The following LRBA variants were observed in gnomAD, a reference collection of about 807,000 sequenced individuals.
LRBA encodes lipopolysaccharide-responsive and beige-like anchor protein.
In LRBA, 176 loss-of-function variants were observed where a neutral mutation model predicts 330.0. The observed-to-expected ratio is 0.53, with a 90% CI of 0.47 to 0.60. The LOEUF (loss-of-function observed/expected upper bound fraction) is 0.60. Among genes scored for constraint, LRBA ranks in the 20% least tolerant of loss-of-function variants. LRBA has a pLI of 0.00. For synonymous variants in LRBA, 1,230 were observed against 1,193.0 expected (o/e 1.03, Z -0.64); for missense variants, 3,259 against 3,444.8 (o/e 0.95, Z 1.35).
At chr4:150,528,369 T>G (rs1019797511) in intron 40 of LRBA, among the ~76,000 whole-genome samples, 1 of 151,716 alleles carries the variant, frequency 6.6e-6, no homozygotes, top group African/African-American at 2.4e-5. Flanking sequence ...GGCGTGGTGG[T>G]GGGCGCCTGT....
rs187874902 is a variant in LRBA, at chr4:150,601,879, G to A, written c.5922-2748C>T. Reference sequence around the variant, plus strand: ...GCTAATTTTTTGTGTTTTTAGTAGAGACAGGGTTTCACCATATTAGCCAGG... The same window carrying A: ...GCTAATTTTTTGTGTTTTTAGTAGAAACAGGGTTTCACCATATTAGCCAGG... On this transcript the variant is annotated intron_variant, in intron 37 of 56. Coordinates refer to ENST00000651943, the MANE Select transcript of LRBA (RefSeq NM_001364905.1). 3.4e-4 allele frequency among the ~76,000 whole-genome samples: 51 copies of A among 151,852 alleles called. No individual in the cohort carries two copies. The East Asian group carries it at 7.0e-3, about 21-fold the overall frequency.
At chr4:150,721,440 A>G in intron 36 of LRBA, 1 of 300,026 alleles carries the variant, frequency 3.3e-6, no homozygotes, top group Non-Finnish European at 6.4e-6. Context: ...GGTCTATAAT[A>G]AAGAAAACCC....
intron 2 of LRBA, among the ~76,000 whole-genome samples, chr4:151,010,031 T>C (rs924688707): frequency 6.6e-6 from 1 of 151,994 alleles, no homozygotes; most frequent in East Asian, 1.9e-4. Flanking sequence ...AAAGAGATGA[T>C]TTAAAGTATA....
chr4:150,793,873 T>C lies in LRBA; in HGVS notation c.5580+4208A>G, dbSNP rs149107358. On this transcript the variant is annotated intron_variant, in intron 34 of 56. Transcript: ENST00000651943. ...GTGCTAGGTACCAGAAATACTTTAA[T>C]GGACAAAGCAGAAATAGCTGTTACC... Among the ~76,000 whole-genome samples, 1,166 of 152,286 alleles carry C rather than the reference T, an allele frequency of 7.7e-3. 12 individuals carry two copies. Among genetic ancestry groups the C allele is most frequent in the African/African-American group, 0.027 (1,112 of 41,546 alleles).
intron 37 of LRBA, among the ~76,000 whole-genome samples, chr4:150,667,987 G>A (rs1781716164): frequency 6.6e-6 from 1 of 152,200 alleles, no homozygotes; most frequent in Admixed American, 6.5e-5. Flanking sequence ...TAAATTTGTG[G>A]TAATTTATTA....
intron 26 of LRBA, among the ~76,000 whole-genome samples, chr4:150,846,741 A>C (rs978199585): frequency 6.6e-6 from 1 of 152,196 alleles, no homozygotes; most frequent in Non-Finnish European, 1.5e-5. Flanking sequence ...TTTAAAAAAA[A>C]GATATCACAC....
rs1729746361 is a variant in LRBA, at chr4:150,302,060, T to C, written c.8017+565A>G. Among the ~76,000 whole-genome samples the C allele has an allele frequency of 2.0e-5, 3 of 152,302 alleles. No homozygotes were observed. The South Asian group carries it at 6.2e-4, about 32-fold the overall frequency. On this transcript the variant is annotated intron_variant, in intron 53 of 56. Transcript: ENST00000651943. ...TCTGTGAATTACAATTTTAAATGGTTACACATTTTTTGTTTTACTGCCTTC... is the reference window on the plus strand; with the variant it reads ...TCTGTGAATTACAATTTTAAATGGTCACACATTTTTTGTTTTACTGCCTTC...
At chr4:150,347,093 C>T (rs78081824) in intron 48 of LRBA, among the ~76,000 whole-genome samples, 7 of 152,224 alleles carry the variant, frequency 4.6e-5, no homozygotes, top group South Asian at 2.1e-4. Flanking sequence ...GAAGATATTA[C>T]GCTAAGTAAA....
chr4:150,687,942 G>GA (rs1160173153), intron 36 of LRBA, among the ~76,000 whole-genome samples: 2 of 151,984 alleles, frequency 1.3e-5, no homozygotes, highest in Non-Finnish European at 2.9e-5. Flanking sequence ...CACAGAATTA[G>GA]AAAAAACTAC....
chr4:150,607,696 G>A (rs1054805188), intron 37 of LRBA, among the ~76,000 whole-genome samples: 2 of 151,942 alleles, frequency 1.3e-5, no homozygotes, highest in African/African-American at 4.8e-5. Context: ...GAGCCGTGGA[G>A]TTCAAGACCA....
At chr4:150,443,491 T>A (rs914551875) in intron 44 of LRBA, among the ~76,000 whole-genome samples, 4 of 152,098 alleles carry the variant, frequency 2.6e-5, no homozygotes, top group Admixed American at 2.6e-4. Context: ...ATGTGGCATA[T>A]ATACACCATG....
chr4:150,841,544 A>T (rs764012232), intron 28 of LRBA, among the ~76,000 whole-genome samples: 31 of 152,320 alleles, frequency 2.0e-4, no homozygotes, highest in Non-Finnish European at 3.5e-4. Flanking sequence ...GCAAATCTGA[A>T]CTCAGATTAT....
chr4:150,990,231 C>T (rs1370289738), intron 2 of LRBA, among the ~76,000 whole-genome samples: 1 of 152,036 alleles, frequency 6.6e-6, no homozygotes, highest in East Asian at 1.9e-4. Flanking sequence ...TTCACATATA[C>T]ATATCCATAT....
At chr4:150,329,398 A>C (rs17504145) in intron 48 of LRBA, among the ~76,000 whole-genome samples, 1 of 151,956 alleles carries the variant, frequency 6.6e-6, no homozygotes, top group Admixed American at 6.6e-5. Flanking sequence ...TTTAAAATTC[A>C]TTTGCCATTT....
At chr4:150,894,026 T>C (rs1156612697) in intron 16 of LRBA, among the ~76,000 whole-genome samples, 3 of 152,218 alleles carry the variant, frequency 2.0e-5, no homozygotes, top group South Asian at 2.1e-4. Context: ...TTATGTTATA[T>C]TGAATCAAGA....
chr4:150,421,164 T>TATATATAATACATAGATA (rs1748726183), intron 46 of LRBA, among the ~76,000 whole-genome samples: 13 of 129,650 alleles, frequency 1.0e-4, no homozygotes, highest in Non-Finnish European at 4.7e-5. Flanking sequence ...ATATATAAAG[T>TATATATAATACATAGATA]ATATATAATA....
At chr4:150,376,245 C>T (rs1561087668) in intron 47 of LRBA, among the ~76,000 whole-genome samples, 1 of 151,078 alleles carries the variant, frequency 6.6e-6, no homozygotes, top group Non-Finnish European at 1.5e-5. Flanking sequence ...CCTTATTTTA[C>T]TTTTTTTTTA....
Position 150,828,279 on chromosome 4 carries a change from T to C in LRBA, c.5072A>G (p.Asp1691Gly), listed in dbSNP as rs756914566. ...ILRSLVNIPA[D>G]GVTVDPALLP... ...AAGGGCAGGATCCACTGTGACTCCA[T>C]CTGCTGGTATGTTAACCAAGCTTCG... Residue 1691 changes from aspartate to glycine, a missense_variant, in exon 30 of 57, where the codon GAT becomes GGT. Transcript: ENST00000651943. 1 of 1,614,174 alleles carries C rather than the reference T, an allele frequency of 6.2e-7. No homozygotes were observed. The highest frequency in any genetic ancestry group is 8.5e-7 in the Non-Finnish European group (1 of 1,180,000).
chr4:150,361,055 G>A (rs1392932453), intron 47 of LRBA, among the ~76,000 whole-genome samples: 1 of 152,128 alleles, frequency 6.6e-6, no homozygotes, highest in Admixed American at 6.5e-5. Flanking sequence ...CCACAACTTA[G>A]TATAGGGGAC....
Sources: gnomAD v4.1 joint callset for allele counts (sites outside exome capture counted in the v4.1 genomes callset) on GRCh38, gnomAD v4.1.1 for gene constraint, MANE v1.5 for transcripts, NCBI Gene and HGNC (gene_info 2026-07-23, HGNC 2026-07-21) for gene names.